PLLP: variants seen among roughly 807,000 people sequenced by gnomAD.
The protein encoded by PLLP is plasmolipin.
In PLLP, 15 loss-of-function variants were observed where a neutral mutation model predicts 19.7. The observed-to-expected ratio is 0.76, with a 90% CI of 0.51 to 1.17. The LOEUF is 1.17. PLLP is among the 50% of genes most tolerant of loss of function. PLLP has a pLI of 0.00. For missense variants in PLLP, 255 were observed against 258.3 expected (o/e 0.99, Z 0.09); for synonymous variants, 111 against 116.3 (o/e 0.95, Z 0.29).
intron 1 of PLLP, among the ~76,000 whole-genome samples, chr16:57,281,581 G>A (rs1235042094): frequency 6.7e-6 from 1 of 149,050 alleles, no homozygotes; most frequent in Non-Finnish European, 1.5e-5. Flanking sequence ...CGCCATCTCG[G>A]CTCACTGCAA....
intron 1 of PLLP, among the ~76,000 whole-genome samples, chr16:57,280,508 A>G (rs1315452365): frequency 1.3e-5 from 2 of 152,170 alleles, no homozygotes; most frequent in East Asian, 3.8e-4. Flanking sequence ...TTAAAACCAA[A>G]AGAGTTATCT....
intron 1 of PLLP, among the ~76,000 whole-genome samples, chr16:57,268,587 C>G (rs1450607471): frequency 1.3e-5 from 2 of 152,162 alleles, no homozygotes; most frequent in Admixed American, 6.5e-5. Flanking sequence ...AACTCCTGGG[C>G]TCAAGTGATC....
At chr16:57,260,505 G>T (rs1188628101) in intron 2 of PLLP, among the ~76,000 whole-genome samples, 1 of 152,118 alleles carries the variant, frequency 6.6e-6, no homozygotes, top group Non-Finnish European at 1.5e-5. Context: ...TTCTGCCAGG[G>T]ATGTCGAGAT....
chr16:57,284,395 C>A lies in PLLP; in HGVS notation c.135+11G>T. On this transcript the variant is annotated intron_variant, in intron 1 of 3. Transcript: ENST00000219207. ...CCCCGGCCAACCCCGTGGGCCCGCG[C>A]GTGCTCTCACCAGCTGCAGCAGCAT... The A allele has an allele frequency of 7.2e-7, 1 of 1,393,726 alleles. No homozygotes were observed. Among genetic ancestry groups the A allele is most frequent in the Non-Finnish European group, 9.3e-7 (1 of 1,071,976 alleles). 86.3% of individuals were successfully genotyped at this position (1,393,726 alleles called of 1,614,324 possible).
chr16:57,260,180 C>T (rs2075437947), intron 2 of PLLP, among the ~76,000 whole-genome samples: 1 of 152,034 alleles, frequency 6.6e-6, no homozygotes, highest in Admixed American at 6.6e-5. Flanking sequence ...CCAGAAAATC[C>T]CAAATTGGCC....
chr16:57,281,528 T>TTTTTTTTTTTTTA (rs1597966887), intron 1 of PLLP, among the ~76,000 whole-genome samples: 1 of 150,444 alleles, frequency 6.6e-6, no homozygotes, highest in African/African-American at 2.5e-5. Flanking sequence ...TTTTTTTTTT[T>TTTTTTTTTTTTTA]GAGACGGAGT....
At position 57,258,558 on chromosome 16, in the gene PLLP, G is replaced by A. The variant is rs559935564; in HGVS notation, c.336C>T (p.Thr112=). ...CGATGAAGGCGGTGATGTAGAGAAC[G>A]GTGGCGCTGATGTTAAAGATCATTA... The part of the protein sequence containing the change: ...LVLMIFNISA[T]VLYITAFIAC... The change falls in exon 3 of 4, where the codon ACC becomes ACT. Residue 112 remains threonine, a synonymous_variant. Coordinates refer to ENST00000219207, the MANE Select transcript of PLLP (RefSeq NM_015993.3). 7.4e-6 allele frequency: 12 copies of A among 1,613,212 alleles called. No individual in the cohort carries two copies. The highest frequency in any genetic ancestry group is 1.1e-5 in the South Asian group (1 of 91,082).
At chr16:57,262,105 A>G in intron 1 of PLLP, 35 bp from the exon 2 acceptor site, 1 of 1,603,896 alleles carries the variant, frequency 6.2e-7, no homozygotes. Context: ...TTGGCCAGAG[A>G]TGCGGTTTCA....
At chr16:57,268,958 C>T (rs1023725954) in intron 1 of PLLP, among the ~76,000 whole-genome samples, 3 of 152,230 alleles carry the variant, frequency 2.0e-5, no homozygotes, top group African/African-American at 7.2e-5. Flanking sequence ...AAGCACCAGG[C>T]ACAGCCCAGG....
rs1249786576 is a variant in PLLP, at chr16:57,283,707, C to T, written c.135+699G>A. 5.3e-5 allele frequency among the ~76,000 whole-genome samples: 8 copies of T among 152,258 alleles called. No homozygotes were observed. In the South Asian group the frequency reaches 1.2e-3, roughly 24 times the overall value. ...TCTGGGAGAGAGTAGGAGTCTTGCC[C>T]CTGGCTACCCACAAACCCCTCCCTC... On this transcript the variant is annotated intron_variant, in intron 1 of 3. Coordinates refer to ENST00000219207, the MANE Select transcript of PLLP (RefSeq NM_015993.3).
At chr16:57,271,828 C>T (rs1225023692) in intron 1 of PLLP, among the ~76,000 whole-genome samples, 2 of 152,016 alleles carry the variant, frequency 1.3e-5, no homozygotes, top group Non-Finnish European at 2.9e-5. Context: ...AAGGCCCTCT[C>T]TGGCTCTCAG....
At chr16:57,273,948 G>C (rs1901116400) in intron 1 of PLLP, among the ~76,000 whole-genome samples, 1 of 152,194 alleles carries the variant, frequency 6.6e-6, no homozygotes, top group South Asian at 2.1e-4. Flanking sequence ...GGACATTCAA[G>C]TGCCACCTTC....
chr16:57,257,428 C>T (rs2075429279), intron 3 of PLLP, among the ~76,000 whole-genome samples: 1 of 152,224 alleles, frequency 6.6e-6, no homozygotes, highest in African/African-American at 2.4e-5. Context: ...CGTCTCTGTC[C>T]CCATCACTGA....
chr16:57,278,946 C>T (rs1291656055), intron 1 of PLLP, among the ~76,000 whole-genome samples: 2 of 152,170 alleles, frequency 1.3e-5, no homozygotes, highest in African/African-American at 2.4e-5. Flanking sequence ...TAAGGAAGAA[C>T]TTTCCAACAC....
At chr16:57,274,112 C>T (rs1901118012) in intron 1 of PLLP, among the ~76,000 whole-genome samples, 1 of 152,086 alleles carries the variant, frequency 6.6e-6, no homozygotes, top group African/African-American at 2.4e-5. Flanking sequence ...CTCACCCTCC[C>T]AAGAGCTGGG....
At chr16:57,277,702 G>A (rs1334635453) in intron 1 of PLLP, among the ~76,000 whole-genome samples, 1 of 152,144 alleles carries the variant, frequency 6.6e-6, no homozygotes, top group Non-Finnish European at 1.5e-5. Context: ...ATTGCCCTGG[G>A]GAAAAGCATG....
intron 1 of PLLP, among the ~76,000 whole-genome samples, chr16:57,274,910 C>T (rs1186534793): frequency 2.0e-5 from 3 of 151,918 alleles, no homozygotes; most frequent in Non-Finnish European, 2.9e-5. Context: ...TACAGGCGCC[C>T]GCCACCATGC....
intron 1 of PLLP, among the ~76,000 whole-genome samples, chr16:57,281,092 T>A (rs1374117805): frequency 6.6e-6 from 1 of 152,158 alleles, no homozygotes; most frequent in Non-Finnish European, 1.5e-5. Flanking sequence ...TCTGGGCACC[T>A]CTCTCACTGA....
intron 1 of PLLP, among the ~76,000 whole-genome samples, chr16:57,282,242 G>GTA: frequency 7.8e-6 from 1 of 127,684 alleles, no homozygotes; most frequent in South Asian, 2.4e-4. Flanking sequence ...TTTTTTTTTT[G>GTA]TGTGTGTGTT....
Sources: allele counts gnomAD v4.1 joint callset (sites outside exome capture counted in the v4.1 genomes callset), GRCh38; gene constraint gnomAD v4.1.1; transcripts MANE v1.5; gene names NCBI Gene and HGNC (gene_info 2026-07-23, HGNC 2026-07-21).